The following AGO3 variants were observed in gnomAD, a reference collection of about 807,000 sequenced individuals.
AGO3 encodes argonaute RISC catalytic component 3.
In AGO3, 16 loss-of-function variants were observed where a neutral mutation model predicts 105.5. That is an observed-to-expected ratio of 0.15 (90% CI 0.10 to 0.23). The LOEUF (loss-of-function observed/expected upper bound fraction) is 0.23, where lower values mean the gene tolerates loss of function less well. Ranked by LOEUF, AGO3 falls within the 10% of genes least tolerant of loss-of-function variation. AGO3 has a pLI of 1.00. For missense variants in AGO3, 534 were observed against 1,088.0 expected, an observed-to-expected ratio of 0.49 and a Z score of 7.16; for synonymous variants, 340 against 367.3, an observed-to-expected ratio of 0.93 and a Z score of 0.85.
Position 36,008,032 on chromosome 1 carries a change from A to G in AGO3, c.794-658A>G, listed in dbSNP as rs1333348647. ...GCTGAGAGTTTATTGCTTACATCAGATTCTCAAAGGGATCTTGACTCCATA... is the reference window on the plus strand; with the variant it reads ...GCTGAGAGTTTATTGCTTACATCAGGTTCTCAAAGGGATCTTGACTCCATA... On this transcript the variant is annotated intron_variant, in intron 6 of 18. Coordinates refer to ENST00000373191, the MANE Select transcript of AGO3 (RefSeq NM_024852.4). The surrounding 1 kb of genome is among the most constrained non-coding windows in gnomAD (Gnocchi z 5.1). Among the ~76,000 whole-genome samples the G allele has an allele frequency of 6.6e-6, 1 of 152,174 alleles. No individual in the cohort carries two copies. Among genetic ancestry groups the G allele is most frequent in the South Asian group, 2.1e-4 (1 of 4,834 alleles).
intron 1 of AGO3, among the ~76,000 whole-genome samples, chr1:35,943,992 G>A (rs546176968): frequency 6.6e-6 from 1 of 152,210 alleles, no homozygotes; most frequent in South Asian, 2.1e-4. Flanking sequence ...ATATTTCATT[G>A]TATGTATATA....
rs1338471785 is a variant in AGO3, at chr1:35,944,552, T to C, written c.20-1140T>C. Reference sequence around the variant, plus strand: ...TTTATCAATTTTATTTACTTTTTTTTTTTTTTTTTTTTTTGGTAAGACAGA... The same window carrying C: ...TTTATCAATTTTATTTACTTTTTTTCTTTTTTTTTTTTTTGGTAAGACAGA... On this transcript the variant is annotated intron_variant, in intron 1 of 18. Transcript: ENST00000373191. Among the ~76,000 whole-genome samples the C allele has an allele frequency of 3.6e-4, 47 of 131,048 alleles. No homozygotes were observed. In the South Asian group the frequency reaches 4.6e-3, roughly 13 times the overall value. 86.0% of individuals were successfully genotyped at this position (131,048 alleles called of 152,430 possible). A position where few individuals can be genotyped will look rare whatever the true frequency, so the allele number is the denominator to read the frequency against.
intron 2 of AGO3, among the ~76,000 whole-genome samples, chr1:35,960,312 A>G (rs535809436): frequency 4.6e-4 from 70 of 152,058 alleles, no homozygotes; most frequent in Admixed American, 9.8e-4. Context: ...CTGTCCCTAG[A>G]TTTGCCATTT....
intron 11 of AGO3, among the ~76,000 whole-genome samples, chr1:36,022,318 C>T (rs1002155907): frequency 5.3e-5 from 8 of 152,038 alleles, no homozygotes; most frequent in Non-Finnish European, 7.4e-5. Context: ...CCTCCTGCTT[C>T]GGCCACCCAA....
At chr1:35,968,472 C>T (rs1385536783) in intron 3 of AGO3, among the ~76,000 whole-genome samples, 1 of 152,138 alleles carries the variant, frequency 6.6e-6, no homozygotes, top group Non-Finnish European at 1.5e-5. Flanking sequence ...CACCATAGTA[C>T]TTTCTGTCTC....
chr1:35,965,374 C>T (rs1056404968), intron 2 of AGO3, among the ~76,000 whole-genome samples: 1 of 151,322 alleles, frequency 6.6e-6, no homozygotes, highest in African/African-American at 2.4e-5. Flanking sequence ...CCTGTAATCT[C>T]AGCTACTTGG....
intron 3 of AGO3, among the ~76,000 whole-genome samples, chr1:35,968,974 G>T (rs745532073): frequency 4.6e-5 from 7 of 150,932 alleles, no homozygotes; most frequent in Non-Finnish European, 7.4e-5. Context: ...TTGTGGTTTT[G>T]ATTTGCATGT....
In AGO3 at chr1:36,055,297, G is replaced by A; in HGVS notation, c.2474+152G>A. ...CCAAGGTTTCCTATTGAAATATATT[G>A]TCTAGGCTCATTAGTAATAGAATCA... On this transcript the variant is annotated intron_variant, in intron 18 of 18. Transcript: ENST00000373191. This position sits in a 1 kb window ranked among gnomAD's most constrained non-coding sequence, Gnocchi z 4.4. 1.3e-6 allele frequency: 1 copy of A among 758,150 alleles called. No individual in the cohort carries two copies. The highest frequency in any genetic ancestry group is 1.8e-5 in the South Asian group (1 of 54,350). The allele number at this position is 758,150 out of a possible 1,614,324, so 47.0% of individuals were successfully genotyped here. A position where few individuals can be genotyped will look rare whatever the true frequency, so the allele number is the denominator to read the frequency against.
At chr1:36,030,991 C>T (rs1641749116) in intron 12 of AGO3, among the ~76,000 whole-genome samples, 1 of 152,162 alleles carries the variant, frequency 6.6e-6, no homozygotes, top group South Asian at 2.1e-4. Context: ...TTTTTCCCTT[C>T]TGTACCTTAT....
Position 35,971,887 on chromosome 1 carries a change from CAA to C in AGO3, c.313-129_313-128del, listed in dbSNP as rs1010389717. 22 of 761,470 alleles carry C rather than the reference CAA, an allele frequency of 2.9e-5. No homozygotes were observed. The East Asian group carries it at 4.8e-4, about 17-fold the overall frequency. 47.2% of individuals were successfully genotyped at this position (761,470 alleles called of 1,614,324 possible). A position where few individuals can be genotyped will look rare whatever the true frequency, so the allele number is the denominator to read the frequency against. ...AACTATGTTATTTAAATTTTATCTA[CAA>C]AAAAAAATGGTATATTTTAGTCTAT... On this transcript the variant is annotated intron_variant, in intron 3 of 18. Coordinates refer to ENST00000373191, the MANE Select transcript of AGO3 (RefSeq NM_024852.4).
In AGO3 at chr1:36,063,719, A is replaced by C. The variant is rs1224792137; in HGVS notation, c.*7974A>C. ...ATGTGAATAAATTGGAAGGCAGCAA[A>C]AAGCATGATTATAGAATATTAAGTT... On this transcript the variant is annotated 3_prime_UTR_variant, in exon 19 of 19. Transcript: ENST00000373191. 6.6e-6 allele frequency: 1 copy of C among 152,212 alleles called. No individual in the cohort carries two copies. Among genetic ancestry groups the C allele is most frequent in the Non-Finnish European group, 1.5e-5 (1 of 68,042 alleles). 9.4% of individuals were successfully genotyped at this position (152,212 alleles called of 1,614,324 possible). A position where few individuals can be genotyped will look rare whatever the true frequency, so the allele number is the denominator to read the frequency against.
At chr1:36,010,420 A>G (rs773020047) in intron 9 of AGO3, among the ~76,000 whole-genome samples, 17 of 151,926 alleles carry the variant, frequency 1.1e-4, no homozygotes, top group Non-Finnish European at 2.4e-4. Context: ...CCTGGGAAAC[A>G]TGGCAAAATG....
At chr1:35,952,177 C>T (rs1445673985) in intron 2 of AGO3, among the ~76,000 whole-genome samples, 5 of 130,396 alleles carry the variant, frequency 3.8e-5, no homozygotes, top group Admixed American at 1.8e-4. Flanking sequence ...GACAGAGTCT[C>T]GCTCTGTCAC....
At chr1:35,961,585 C>G (rs1315407807) in intron 2 of AGO3, among the ~76,000 whole-genome samples, 1 of 152,122 alleles carries the variant, frequency 6.6e-6, no homozygotes, top group Non-Finnish European at 1.5e-5. Flanking sequence ...CAGACTAAGA[C>G]TTTCCTATTC....
In AGO3 at chr1:36,058,055, T is replaced by G. The variant is rs911571360; in HGVS notation, c.*2310T>G. 6.6e-6 allele frequency: 1 copy of G among 152,214 alleles called. No individual in the cohort carries two copies. The highest frequency in any genetic ancestry group is 2.4e-5 in the African/African-American group (1 of 41,454). The allele number at this position is 152,214 out of a possible 1,614,324, so 9.4% of individuals were successfully genotyped here. A position where few individuals can be genotyped will look rare whatever the true frequency, so the allele number is the denominator to read the frequency against. On this transcript the variant is annotated 3_prime_UTR_variant, in exon 19 of 19. Coordinates refer to ENST00000373191, the MANE Select transcript of AGO3 (RefSeq NM_024852.4). The stretch of plus-strand genomic sequence containing the variant: ...TTGAATATTAGAAATAAAGTTGAAC[T>G]TTTATATAATTGTGAATAGCTTAAC...
At chr1:36,047,090 C>T (rs1642504662) in intron 17 of AGO3, among the ~76,000 whole-genome samples, 1 of 151,924 alleles carries the variant, frequency 6.6e-6, no homozygotes, top group African/African-American at 2.4e-5. Context: ...ATTAAAAATA[C>T]AAAATTAGCT....
chr1:35,972,259 T>C (rs777898822), intron 4 of AGO3, 27 bp downstream of exon 4: 35 of 1,607,444 alleles, frequency 2.2e-5, no homozygotes, highest in Non-Finnish European at 2.6e-5. Flanking sequence ...TTTTTCTCTT[T>C]AGATTTTAAA....
At chr1:36,041,640 G>A (rs1642255786) in intron 16 of AGO3, among the ~76,000 whole-genome samples, 1 of 152,172 alleles carries the variant, frequency 6.6e-6, no homozygotes, top group African/African-American at 2.4e-5. Flanking sequence ...TCTTGGAGCA[G>A]AGAAATCTAA....
At chr1:35,952,261 G>A (rs1456456268) in intron 2 of AGO3, among the ~76,000 whole-genome samples, 4 of 149,470 alleles carry the variant, frequency 2.7e-5, no homozygotes, top group African/African-American at 9.9e-5. Context: ...GTTCTCCTCA[G>A]CCTCCCAAGT....
Sources: allele counts gnomAD v4.1 joint callset (sites outside exome capture counted in the v4.1 genomes callset), GRCh38; gene constraint gnomAD v4.1.1; non-coding constraint Gnocchi (gnomAD v3.1); transcripts MANE v1.5; gene names NCBI Gene and HGNC (gene_info 2026-07-23, HGNC 2026-07-21).